EPHB1: variants seen among roughly 807,000 people sequenced by gnomAD.
EPHB1 encodes the protein ephrin type-B receptor 1.
Under a neutral mutation model 94.4 loss-of-function variants are expected in EPHB1, and 30 were observed. The ratio of observed to expected loss-of-function variants is 0.32; its 90% CI spans 0.24 to 0.43. EPHB1 has a LOEUF of 0.43. EPHB1 is among the 20% of genes least tolerant of loss of function. The pLI is 1.00. For missense variants in EPHB1, 1,055 were observed against 1,308.3 expected, an observed-to-expected ratio of 0.81 and a Z score of 2.99; for synonymous variants, 522 against 489.1, an observed-to-expected ratio of 1.07 and a Z score of -0.89.
chr3:135,239,160 G>C (rs1453159662), intron 12 of EPHB1, among the ~76,000 whole-genome samples: 2 of 152,216 alleles, frequency 1.3e-5, no homozygotes, highest in African/African-American at 4.8e-5. Context: ...CCATCCTCAG[G>C]GGAAATTAGG....
chr3:134,932,515 G>T (rs770873225), intron 2 of EPHB1, among the ~76,000 whole-genome samples: 15 of 152,172 alleles, frequency 9.9e-5, no homozygotes, highest in Non-Finnish European at 1.9e-4. Flanking sequence ...TCAGGTCCTG[G>T]CATCAAATAA....
intron 1 of EPHB1, among the ~76,000 whole-genome samples, chr3:134,919,811 T>C (rs1295810781): frequency 2.6e-5 from 4 of 152,000 alleles, no homozygotes; most frequent in Admixed American, 1.3e-4. Flanking sequence ...TATATCCCAC[T>C]CTTGCCAGTA....
intron 1 of EPHB1, among the ~76,000 whole-genome samples, chr3:134,832,874 T>A (rs531730499): frequency 1.2e-4 from 18 of 152,360 alleles, no homozygotes; most frequent in Admixed American, 6.5e-4. Context: ...TTTCTAACGC[T>A]GCAATTCAGT....
intron 3 of EPHB1, among the ~76,000 whole-genome samples, chr3:135,048,252 C>CTTTTATCTTTT (rs1937063697): frequency 1.2e-5 from 1 of 83,428 alleles, no homozygotes; most frequent in African/African-American, 5.1e-5. Context: ...TTCTTTCTTT[C>CTTTTATCTTTT]TTTTTTCTTT....
chr3:135,219,854 G>A (rs535067259), intron 12 of EPHB1, among the ~76,000 whole-genome samples: 3 of 152,272 alleles, frequency 2.0e-5, no homozygotes, highest in African/African-American at 7.2e-5. Context: ...CTTGTCCCAT[G>A]CACCCAGACT....
intron 1 of EPHB1, among the ~76,000 whole-genome samples, chr3:134,852,052 T>C (rs2036996787): frequency 6.6e-6 from 1 of 152,184 alleles, no homozygotes; most frequent in Admixed American, 6.5e-5. Context: ...TCAGATTATG[T>C]GCCCCATGTC....
intron 3 of EPHB1, among the ~76,000 whole-genome samples, chr3:134,982,817 T>TAA (rs11300820): frequency 7.3e-4 from 110 of 149,860 alleles, no homozygotes; most frequent in African/African-American, 2.6e-3. Context: ...ATTTTCAGAT[T>TAA]AAAAAAAAAA....
At chr3:135,046,296 C>A (rs1360271867) in intron 3 of EPHB1, among the ~76,000 whole-genome samples, 1 of 152,182 alleles carries the variant, frequency 6.6e-6, no homozygotes, top group Admixed American at 6.5e-5. Flanking sequence ...GCTCTTGCTA[C>A]GTTGTATTGT....
At chr3:135,251,598 T>C (rs1367801030) in intron 15 of EPHB1, among the ~76,000 whole-genome samples, 1 of 152,230 alleles carries the variant, frequency 6.6e-6, no homozygotes, top group East Asian at 1.9e-4. Flanking sequence ...AAAAAGAAAC[T>C]GAGCAACTTA....
At chr3:135,105,671 C>T (rs546205249) in intron 3 of EPHB1, among the ~76,000 whole-genome samples, 8 of 152,278 alleles carry the variant, frequency 5.3e-5, no homozygotes, top group African/African-American at 1.9e-4. Context: ...ATGAGGGCCC[C>T]TCCAGTGGAG....
chr3:135,208,525 A>C (rs1027264063), intron 12 of EPHB1, among the ~76,000 whole-genome samples: 12 of 152,188 alleles, frequency 7.9e-5, no homozygotes, highest in Non-Finnish European at 1.8e-4. Flanking sequence ...CAACCAGGGT[A>C]GATGTTCTAA....
At chr3:134,830,964 C>T (rs936472140) in intron 1 of EPHB1, among the ~76,000 whole-genome samples, 8 of 152,196 alleles carry the variant, frequency 5.3e-5, no homozygotes, top group Admixed American at 3.3e-4. Context: ...TTAAACTCCT[C>T]CTACCCTCCA....
chr3:134,887,148 C>A (rs7645909), intron 1 of EPHB1, among the ~76,000 whole-genome samples: 20 of 152,142 alleles, frequency 1.3e-4, no homozygotes, highest in African/African-American at 4.8e-4. Context: ...CCTGTAGCTG[C>A]ATTTAGTTGT....
chr3:135,036,991 G>A lies in EPHB1; in HGVS notation c.806-69457G>A, dbSNP rs372541421. 3.0e-4 allele frequency among the ~76,000 whole-genome samples: 46 copies of A among 152,224 alleles called. No homozygotes were observed. The South Asian group carries it at 9.1e-3, about 30-fold the overall frequency. On this transcript the variant is annotated intron_variant, in intron 3 of 15. Transcript: ENST00000398015. ...GTGGGCAGGACCAGAGCAATGGGGT[G>A]GTAAATAGACTACCGAGAAGATAGA...
rs371686218 is a variant in EPHB1, at chr3:134,912,124, G to C, written c.59-13692G>C. 1.1e-4 allele frequency among the ~76,000 whole-genome samples: 17 copies of C among 152,310 alleles called. 1 individual carries two copies. Among genetic ancestry groups the C allele is most frequent in the African/African-American group, 4.1e-4 (17 of 41,566 alleles). On this transcript the variant is annotated intron_variant, in intron 1 of 15. Coordinates refer to ENST00000398015, the MANE Select transcript of EPHB1 (RefSeq NM_004441.5). Reference sequence around the variant, plus strand: ...GAGAGTCATTTTGCATGGGCGTGCAGGCTCTCCTCCCCGCTCTTCTCCAGG... The same window carrying C: ...GAGAGTCATTTTGCATGGGCGTGCACGCTCTCCTCCCCGCTCTTCTCCAGG...
chr3:135,008,369 A>G (rs926778122), intron 3 of EPHB1, among the ~76,000 whole-genome samples: 3 of 152,182 alleles, frequency 2.0e-5, no homozygotes, highest in African/African-American at 7.2e-5. Context: ...AGCACAGAGA[A>G]AGGTTAAATA....
At chr3:134,804,038 C>T (rs1477302177) in intron 1 of EPHB1, among the ~76,000 whole-genome samples, 13 of 143,912 alleles carry the variant, frequency 9.0e-5, no homozygotes, top group Non-Finnish European at 1.6e-4. Flanking sequence ...TGTGCCCCTG[C>T]GAGTCAGACC....
intron 1 of EPHB1, among the ~76,000 whole-genome samples, chr3:134,904,507 C>T (rs1285963067): frequency 1.3e-5 from 2 of 152,122 alleles, no homozygotes; most frequent in East Asian, 3.9e-4. Context: ...CAGGTAAGCA[C>T]CATGGGGGTG....
At chr3:134,985,031 G>A (rs541912141) in intron 3 of EPHB1, among the ~76,000 whole-genome samples, 66 of 152,266 alleles carry the variant, frequency 4.3e-4, no homozygotes, top group African/African-American at 1.5e-3. Flanking sequence ...AAGGTTTTCC[G>A]TTGAGTACTT....
Sources: gnomAD v4.1 joint callset for allele counts (sites outside exome capture counted in the v4.1 genomes callset) on GRCh38, gnomAD v4.1.1 for gene constraint, MANE v1.5 for transcripts, NCBI Gene and HGNC (gene_info 2026-07-23, HGNC 2026-07-21) for gene names.